The following TENM3 variants were observed in gnomAD, a reference collection of about 807,000 sequenced individuals.
TENM3 encodes the protein teneurin transmembrane protein 3.
In TENM3, 63 loss-of-function variants were observed where a neutral mutation model predicts 255.1. The ratio of observed to expected loss-of-function variants is 0.25; its 90% confidence interval spans 0.20 to 0.30. The LOEUF is 0.30. Ranked by LOEUF, TENM3 falls within the 10% of genes least tolerant of loss-of-function variation. The probability of loss-of-function intolerance (pLI) is 1.00; values close to 1 mark genes in which losing one functional copy is unlikely to be tolerated. For synonymous variants in TENM3, 1,306 were observed against 1,322.3 expected (o/e 0.99, Z 0.27); for missense variants, 2,929 against 3,461.1 (o/e 0.85, Z 3.86).
intron 3 of TENM3, among the ~76,000 whole-genome samples, chr4:182,373,448 G>A (rs1189090904): frequency 6.6e-6 from 1 of 152,226 alleles, no homozygotes; most frequent in Non-Finnish European, 1.5e-5. Context: ...AGGGCTTCAG[G>A]AAGCTTTTAC....
intron 22 of TENM3, among the ~76,000 whole-genome samples, chr4:182,759,848 C>T (rs1323529610): frequency 6.6e-6 from 1 of 152,126 alleles, no homozygotes; most frequent in African/African-American, 2.4e-5. Context: ...ATATCATCTG[C>T]TTCTTGGCGG....
chr4:182,247,119 A>G (rs1199980934), intron 1 of TENM3, among the ~76,000 whole-genome samples: 1 of 152,222 alleles, frequency 6.6e-6, no homozygotes, highest in African/African-American at 2.4e-5. Flanking sequence ...TCGAGCTAGA[A>G]TCTAATGAGC....
chr4:182,486,404 A>G (rs754363742), intron 3 of TENM3, among the ~76,000 whole-genome samples: 4 of 152,116 alleles, frequency 2.6e-5, no homozygotes, highest in Non-Finnish European at 4.4e-5. Context: ...ACAAGGAACT[A>G]TATTAACTGG....
intron 1 of TENM3, among the ~76,000 whole-genome samples, chr4:182,318,131 G>A (rs900297904): frequency 2.0e-5 from 3 of 152,088 alleles, no homozygotes; most frequent in African/African-American, 7.2e-5. Context: ...AGATATCCAA[G>A]GTAACATTCA....
chr4:181,640,726 G>C, the TENM3 span, among the ~76,000 whole-genome samples: 3 of 152,122 alleles, frequency 2.0e-5, no homozygotes, highest in African/African-American at 7.2e-5. Context: ...TTGGCTGATG[G>C]GAACTATAGG....
At chr4:182,300,698 C>T (rs1400831594) in intron 1 of TENM3, among the ~76,000 whole-genome samples, 1 of 152,168 alleles carries the variant, frequency 6.6e-6, no homozygotes, top group African/African-American at 2.4e-5. Context: ...GCTCGTTTGG[C>T]ATATTTGCTG....
intron 4 of TENM3, among the ~76,000 whole-genome samples, chr4:182,608,866 C>G (rs1260851159): frequency 6.6e-6 from 1 of 152,198 alleles, no homozygotes; most frequent in African/African-American, 2.4e-5. Context: ...AAGGAGCTCG[C>G]CCGCCAGTGA....
At chr4:181,749,651 G>T in the TENM3 span, among the ~76,000 whole-genome samples, 1 of 152,046 alleles carries the variant, frequency 6.6e-6, no homozygotes. Flanking sequence ...TGCTTTTATT[G>T]TCAATATTGT....
chr4:182,230,814 A>ATG (rs1579817699), intron 1 of TENM3, among the ~76,000 whole-genome samples: 1 of 27,052 alleles, frequency 3.7e-5, no homozygotes, highest in East Asian at 9.7e-4. Context: ...TTCTCAAACT[A>ATG]TATATATATA....
intron 4 of TENM3, among the ~76,000 whole-genome samples, chr4:182,621,663 ATGTAT>A (rs1436638912): frequency 0.37 from 38,588 of 104,004 alleles, 8,491 homozygotes; most frequent in South Asian, 0.45. Context: ...AATATATAAT[ATGTAT>A]TATATATATA....
the TENM3 span, among the ~76,000 whole-genome samples, chr4:181,535,846 C>T: frequency 1.3e-5 from 2 of 152,084 alleles, no homozygotes; most frequent in African/African-American, 4.8e-5. Flanking sequence ...CTTCTCCAAC[C>T]ACAGCTCCTC....
the TENM3 span, among the ~76,000 whole-genome samples, chr4:181,652,744 AAAT>A: frequency 6.6e-6 from 1 of 152,314 alleles, no homozygotes; most frequent in Admixed American, 6.5e-5. Flanking sequence ...CGCTAACCTT[AAAT>A]AATAATAATA....
chr4:181,931,089 C>T, the TENM3 span, among the ~76,000 whole-genome samples: 1 of 152,148 alleles, frequency 6.6e-6, no homozygotes, highest in African/African-American at 2.4e-5. Flanking sequence ...GGAAGCATTC[C>T]CTTTGAAAAC....
the TENM3 span, among the ~76,000 whole-genome samples, chr4:181,485,113 G>A: frequency 1.3e-5 from 2 of 152,122 alleles, no homozygotes; most frequent in Non-Finnish European, 2.9e-5. Context: ...TAATTTTTCT[G>A]AGTGAGAATT....
At chr4:182,116,148 A>G in the TENM3 span, among the ~76,000 whole-genome samples, 1 of 152,086 alleles carries the variant, frequency 6.6e-6, no homozygotes, top group Non-Finnish European at 1.5e-5. Context: ...TAGAACACAC[A>G]GAAGAGTTTA....
rs566304493 is a variant in TENM3 at position 182,705,429 on chromosome 4, C to T, written c.2222-8658C>T. On this transcript the variant is annotated intron_variant, in intron 12 of 27. Transcript: ENST00000511685. ...GTCTACACTATACCGAGGATTCAAG[C>T]CAGTAGCCCGGTGAAAATATTATAC... is the stretch of plus-strand genomic sequence containing the variant. Among the ~76,000 whole-genome samples the T allele has an allele frequency of 1.2e-4, 19 of 152,308 alleles. 2 individuals are homozygous for T. The South Asian group carries it at 3.9e-3, about 32-fold the overall frequency.
chr4:182,315,198 A>G (rs1243593120), intron 1 of TENM3, among the ~76,000 whole-genome samples: 1 of 152,202 alleles, frequency 6.6e-6, no homozygotes, highest in African/African-American at 2.4e-5. Flanking sequence ...AATATCTTAT[A>G]TATTTAACCA....
At chr4:181,948,705 C>A in the TENM3 span, among the ~76,000 whole-genome samples, 1 of 152,082 alleles carries the variant, frequency 6.6e-6, no homozygotes, top group African/African-American at 2.4e-5. Flanking sequence ...TGTGAGCCAC[C>A]GCGCCTGGCC....
the TENM3 span, among the ~76,000 whole-genome samples, chr4:181,680,188 T>C: frequency 1.3e-5 from 2 of 152,102 alleles, no homozygotes; most frequent in Non-Finnish European, 2.9e-5. Flanking sequence ...CCCTCCAGAT[T>C]TATATCTGAA....
Sources: allele counts gnomAD v4.1 joint callset (sites outside exome capture counted in the v4.1 genomes callset), GRCh38; gene constraint gnomAD v4.1.1; transcripts MANE v1.5; gene names NCBI Gene and HGNC (gene_info 2026-07-23, HGNC 2026-07-21).